The following SH3PXD2A variants were observed in gnomAD, a reference collection of about 807,000 sequenced individuals.
SH3PXD2A encodes SH3 and PX domain-containing protein 2A.
Under a neutral mutation model 115.2 loss-of-function variants are expected in SH3PXD2A, and 32 were observed. The ratio of observed to expected loss-of-function variants is 0.28; its 90% CI spans 0.21 to 0.37. The LOEUF (loss-of-function observed/expected upper bound fraction) is 0.37, where lower values mean the gene tolerates loss of function less well. Among genes scored for constraint, SH3PXD2A ranks in the 10% least tolerant of loss-of-function variants. The probability of loss-of-function intolerance (pLI) is 1.00; values close to 1 mark genes in which losing one functional copy is unlikely to be tolerated. For synonymous variants in SH3PXD2A, 610 were observed against 629.1 expected (o/e 0.97, Z 0.45); for missense variants, 1,328 against 1,498.7 (o/e 0.89, Z 1.88).
At chr10:103,640,905 AG>A (rs774929280) in intron 8 of SH3PXD2A, among the ~76,000 whole-genome samples, 1 of 152,022 alleles carries the variant, frequency 6.6e-6, no homozygotes, top group Non-Finnish European at 1.5e-5. Flanking sequence ...ATGATCCCCC[AG>A]GGCCCTGGGG....
chr10:103,611,722 C>T lies in SH3PXD2A; in HGVS notation c.1259-92G>A. ...TCCCTAGGTGAAACTAACTCCTGAT[C>T]CTTCAAGTTCATGCTTTAGCTCAGC... On this transcript the variant is annotated intron_variant, in intron 12 of 14. Transcript: ENST00000369774. The T allele has an allele frequency of 4.1e-6, 4 of 971,240 alleles. No individual in the cohort carries two copies. In the South Asian group the frequency reaches 5.2e-5, roughly 13 times the overall value. 60.2% of individuals were successfully genotyped at this position (971,240 alleles called of 1,614,324 possible). A position where few individuals can be genotyped will look rare whatever the true frequency, so the allele number is the denominator to read the frequency against.
intron 2 of SH3PXD2A, among the ~76,000 whole-genome samples, chr10:103,788,548 A>G (rs2039001870): frequency 6.6e-6 from 1 of 151,952 alleles, no homozygotes. Context: ...TATCCCAACT[A>G]CTCCCACAGT....
At chr10:103,826,952 GGATAA>G (rs2039435953) in intron 1 of SH3PXD2A, among the ~76,000 whole-genome samples, 1 of 152,128 alleles carries the variant, frequency 6.6e-6, no homozygotes, top group African/African-American at 2.4e-5. Context: ...GCTAATGGAG[GGATAA>G]CTCGTAGAAT....
chr10:103,804,458 A>T (rs1261373722), intron 1 of SH3PXD2A, among the ~76,000 whole-genome samples: 2 of 150,944 alleles, frequency 1.3e-5, no homozygotes, highest in African/African-American at 4.9e-5. Context: ...AGTAGCTGGG[A>T]CTGCAGGCAC....
At chr10:103,711,996 C>T (rs1036890942) in intron 5 of SH3PXD2A, among the ~76,000 whole-genome samples, 3 of 151,288 alleles carry the variant, frequency 2.0e-5, no homozygotes, top group Admixed American at 6.6e-5. Context: ...CAGTGAGCCA[C>T]GATTGTGCCA....
chr10:103,731,072 C>A (rs925974538), intron 4 of SH3PXD2A, among the ~76,000 whole-genome samples: 4 of 151,106 alleles, frequency 2.6e-5, no homozygotes, highest in Admixed American at 1.3e-4. Flanking sequence ...GAGGCCCCAG[C>A]AGCACTTGGA....
intron 1 of SH3PXD2A, among the ~76,000 whole-genome samples, chr10:103,808,025 G>A (rs2039224673): frequency 6.6e-6 from 1 of 152,072 alleles, no homozygotes. Context: ...CCATGTACAA[G>A]GTTCTATCAT....
chr10:103,659,992 A>G (rs1466892624), intron 8 of SH3PXD2A, among the ~76,000 whole-genome samples: 5 of 152,070 alleles, frequency 3.3e-5, no homozygotes, highest in Non-Finnish European at 7.4e-5. Flanking sequence ...CTGCTGTCCT[A>G]TGCTTTGCCT....
At chr10:103,696,959 C>A (rs1232753658) in intron 5 of SH3PXD2A, among the ~76,000 whole-genome samples, 1 of 152,156 alleles carries the variant, frequency 6.6e-6, no homozygotes, top group Non-Finnish European at 1.5e-5. Context: ...GTTCCTCCAA[C>A]CAGCACTCCA....
At chr10:103,803,155 G>GT (rs994272087) in intron 1 of SH3PXD2A, among the ~76,000 whole-genome samples, 3 of 152,160 alleles carry the variant, frequency 2.0e-5, no homozygotes, top group African/African-American at 7.2e-5. Context: ...GCCATGGCGA[G>GT]TTTTTTCTGA....
intron 13 of SH3PXD2A, among the ~76,000 whole-genome samples, chr10:103,607,567 G>A (rs1363661728): frequency 6.6e-6 from 1 of 151,906 alleles, no homozygotes; most frequent in Non-Finnish European, 1.5e-5. Context: ...GCCCCGTCCG[G>A]GAGGTGAGGG....
chr10:103,758,132 CACAA>C (rs1276488426), intron 3 of SH3PXD2A, among the ~76,000 whole-genome samples: 1 of 152,240 alleles, frequency 6.6e-6, no homozygotes, highest in African/African-American at 2.4e-5. Context: ...TGGCACAGCT[CACAA>C]ACACACAGGT....
At position 103,678,718 on chromosome 10, in the gene SH3PXD2A, A is replaced by G. The variant is rs17115822; in HGVS notation, c.428-10066T>C. Among the ~76,000 whole-genome samples, 822 of 152,222 alleles carry G rather than the reference A, an allele frequency of 5.4e-3. 6 individuals carry two copies. The highest frequency in any genetic ancestry group is 0.018 in the African/African-American group (760 of 41,546). ...AGGGAGATTCCTTCCCTGATGGAGG[A>G]TATTTCATGTGCATCTCCTAGTGTC... On this transcript the variant is annotated intron_variant, in intron 6 of 14. Transcript: ENST00000369774.
rs4465309 is a variant in SH3PXD2A at position 103,707,822 on chromosome 10, C to G, written c.399-14766G>C. ...CCAGTGCCAGCTGACTCCTAACCATCGTGAGCTTTTGTGTGTGTCTCTCTC... is the reference window on the plus strand; with the variant it reads ...CCAGTGCCAGCTGACTCCTAACCATGGTGAGCTTTTGTGTGTGTCTCTCTC... On this transcript the variant is annotated intron_variant, in intron 5 of 14. Transcript: ENST00000369774. 5.0e-3 allele frequency among the ~76,000 whole-genome samples: 755 copies of G among 152,276 alleles called. 8 individuals are homozygous for G. The highest frequency in any genetic ancestry group is 0.017 in the African/African-American group (699 of 41,546).
intron 1 of SH3PXD2A, among the ~76,000 whole-genome samples, chr10:103,822,284 A>G (rs535838820): frequency 1.3e-5 from 2 of 152,368 alleles, no homozygotes; most frequent in Non-Finnish European, 2.9e-5. Flanking sequence ...TACTGTGCAC[A>G]AAAGCAACTT....
In SH3PXD2A at chr10:103,693,067, A is replaced by C. The variant is rs775114120; in HGVS notation, c.399-11T>G. 16 of 1,613,276 alleles carry C rather than the reference A, an allele frequency of 9.9e-6. No homozygotes were observed. The highest frequency in any genetic ancestry group is 1.3e-5 in the Non-Finnish European group (15 of 1,179,504). ...GAACTGCCATAGTCCCTGAAAAAGAAGCAACAACAGATAGACATGGTTAGG... is the reference window on the plus strand; with the variant it reads ...GAACTGCCATAGTCCCTGAAAAAGACGCAACAACAGATAGACATGGTTAGG... On this transcript the variant is annotated splice_polypyrimidine_tract_variant and intron_variant, in intron 5 of 14. Transcript: ENST00000369774.
chr10:103,825,754 C>T (rs934778580), intron 1 of SH3PXD2A, among the ~76,000 whole-genome samples: 2 of 141,168 alleles, frequency 1.4e-5, no homozygotes, highest in Non-Finnish European at 3.0e-5. Flanking sequence ...ACACAGCATC[C>T]GTAACAAATT....
At position 103,835,246 on chromosome 10, in the gene SH3PXD2A, C is replaced by G. The variant is rs142115896; in HGVS notation, c.72+19949G>C. ...CCAAATGCCCCATGCAGACTTGCAT[C>G]TGGGATTGCAGCTTCCGTGGGATTT... On this transcript the variant is annotated intron_variant, in intron 1 of 14. Transcript: ENST00000369774. Among the ~76,000 whole-genome samples the G allele has an allele frequency of 5.9e-5, 9 of 152,352 alleles. No homozygotes were observed. In the East Asian group the frequency reaches 1.7e-3, roughly 29 times the overall value.
chr10:103,783,073 C>T (rs1004748497), intron 2 of SH3PXD2A, among the ~76,000 whole-genome samples: 12 of 152,120 alleles, frequency 7.9e-5, no homozygotes, highest in African/African-American at 2.2e-4. Context: ...GGCAGCACTG[C>T]GCTTGGTGCC....
Sources: allele counts gnomAD v4.1 joint callset (sites outside exome capture counted in the v4.1 genomes callset), GRCh38; gene constraint gnomAD v4.1.1; transcripts MANE v1.5; gene names NCBI Gene and HGNC (gene_info 2026-07-23, HGNC 2026-07-21).